LRRC27: variants seen among roughly 807,000 people sequenced by gnomAD.
LRRC27 encodes the protein leucine rich repeat containing 27.
LRRC27 carries 57 observed loss-of-function variants against 55.0 expected under a neutral mutation model. That is an observed-to-expected ratio of 1.04 (90% CI 0.84 to 1.29). The LOEUF (loss-of-function observed/expected upper bound fraction) is 1.29, where lower values mean the gene tolerates loss of function less well. Ranked by LOEUF, LRRC27 falls within the 50% of genes most tolerant of loss-of-function variation. The pLI is 0.00. For synonymous variants in LRRC27, 278 were observed against 251.9 expected (o/e 1.10, Z -0.98); for missense variants, 721 against 651.5 (o/e 1.11, Z -1.16).
At chr10:132,369,642 G>A (rs76450392) in intron 10 of LRRC27, among the ~76,000 whole-genome samples, 13,320 of 152,172 alleles carry the variant, frequency 0.088, 758 homozygotes, top group African/African-American at 0.17. Context: ...GTGATGATGC[G>A]TTTGTCTAAA....
chr10:132,352,433 G>GC (rs2068085709), intron 7 of LRRC27, among the ~76,000 whole-genome samples: 1 of 106,382 alleles, frequency 9.4e-6, no homozygotes, highest in African/African-American at 3.7e-5. Flanking sequence ...TGTGGGGCAG[G>GC]CGCAGGTGCA....
chr10:132,353,363 C>T (rs2132970091), intron 7 of LRRC27: 4 of 1,077,074 alleles, frequency 3.7e-6, no homozygotes, highest in Non-Finnish European at 4.5e-6. Flanking sequence ...CTCACCTGCT[C>T]CCTCCCCAAC....
At chr10:132,361,640 GT>G (rs1486114881) in intron 9 of LRRC27, 65 bp downstream of exon 9, 1 of 1,202,414 alleles carries the variant, frequency 8.3e-7, no homozygotes, top group Admixed American at 1.7e-5. Context: ...GGCAGGTGCT[GT>G]TGTTTATTTC....
intron 3 of LRRC27, 65 bp downstream of exon 3, chr10:132,337,760 G>A (rs950045463): frequency 3.5e-5 from 54 of 1,564,924 alleles, no homozygotes; most frequent in Non-Finnish European, 4.1e-5. Flanking sequence ...CTGTTCTTTC[G>A]CTCCTTGTCC....
intron 10 of LRRC27, 26 bp downstream of exon 10, chr10:132,365,576 A>AAT: frequency 1.9e-6 from 3 of 1,608,612 alleles, no homozygotes; most frequent in Non-Finnish European, 2.5e-6. Flanking sequence ...TTCTGTTTAA[A>AAT]AAAGTGTGGG....
chr10:132,361,013 A>G (rs1252219543), intron 8 of LRRC27, among the ~76,000 whole-genome samples: 1 of 152,196 alleles, frequency 6.6e-6, no homozygotes, highest in African/African-American at 2.4e-5. Context: ...GTTGCACATC[A>G]CAGCGAGTGT....
At position 132,364,343 on chromosome 10, in the gene LRRC27, CTTAA is replaced by C. The variant is rs2068809137; in HGVS notation, c.1290-1079_1290-1076del. 4.5e-3 allele frequency among the ~76,000 whole-genome samples: 16 copies of C among 3,570 alleles called. 2 individuals carry two copies. The East Asian group carries it at 0.052, about 12-fold the overall frequency. 2.3% of individuals were successfully genotyped at this position (3,570 alleles called of 152,430 possible). A position where few individuals can be genotyped will look rare whatever the true frequency, so the allele number is the denominator to read the frequency against. The stretch of plus-strand genomic sequence containing the variant: ...CACCACACCCATGACCACACCCACA[CTTAA>C]TCTACCTCCACACCCGCGCTTACAC... On this transcript the variant is annotated intron_variant, in intron 9 of 10. Coordinates refer to ENST00000368614, the MANE Select transcript of LRRC27 (RefSeq NM_030626.3).
rs1313817027 is a variant in LRRC27, at chr10:132,348,162, G to A, written c.732G>A (p.Arg244=). 2 of 1,614,054 alleles carry A rather than the reference G, an allele frequency of 1.2e-6. No homozygotes were observed. The highest frequency in any genetic ancestry group is 1.7e-6 in the Non-Finnish European group (2 of 1,180,020). ...AAAAGCCAGACCTGAGTGAACTCAGGAAGTCTGCGGACTCCTCAGAGAACT... is the reference window on the plus strand; with the variant it reads ...AAAAGCCAGACCTGAGTGAACTCAGAAAGTCTGCGGACTCCTCAGAGAACT... The part of the protein sequence containing the change: ...PVEKPDLSEL[R]KSADSSENWP... Residue 244 remains arginine, a synonymous_variant, in exon 6 of 11, where the codon AGG becomes AGA. Transcript: ENST00000368614. The surrounding 1 kb of genome is among the most constrained non-coding windows in gnomAD (Gnocchi z 4.2).
chr10:132,331,335 G>T (rs1396276717), upstream of LRRC27: 2 of 1,173,940 alleles, frequency 1.7e-6, no homozygotes, highest in Non-Finnish European at 2.4e-6. Flanking sequence ...GAAGGTGCAC[G>T]GGACTCCAGG....
Position 132,376,146 on chromosome 10 carries a change from A to T in LRRC27, c.*904A>T, listed in dbSNP as rs1344254347. 6.6e-6 allele frequency: 1 copy of T among 152,138 alleles called. No homozygotes were observed. Among genetic ancestry groups the T allele is most frequent in the East Asian group, 1.9e-4 (1 of 5,202 alleles). 9.4% of individuals were successfully genotyped at this position (152,138 alleles called of 1,614,324 possible). ...TCCTCTTATTTTCAGTATCTTTAGG[A>T]TCCGTAATAATGTCCCCTCTTTTAT... is the stretch of plus-strand genomic sequence containing the variant. On this transcript the variant is annotated 3_prime_UTR_variant, in exon 11 of 11. Transcript: ENST00000368614.
rs145811249 is a variant in LRRC27 at position 132,372,786 on chromosome 10, G to A, written c.1417-2280G>A. ...GGTGCACAACCGACCAGGAGGGCTG[G>A]CCAGCTCCATGGCGCTGTCTGAGAT... On this transcript the variant is annotated intron_variant, in intron 10 of 10. Transcript: ENST00000368614. The surrounding 1 kb of genome is among the most constrained non-coding windows in gnomAD (Gnocchi z 4.0). Among the ~76,000 whole-genome samples the A allele has an allele frequency of 3.7e-4, 56 of 152,310 alleles. No homozygotes were observed. The highest frequency in any genetic ancestry group is 6.9e-4 in the Non-Finnish European group (47 of 68,032).
upstream of LRRC27, chr10:132,331,651 C>T (rs566741867): frequency 3.3e-5 from 54 of 1,612,846 alleles, no homozygotes; most frequent in African/African-American, 6.5e-4. Context: ...AAGGTGGTGC[C>T]TCAGCAGCAA....
intron 10 of LRRC27, among the ~76,000 whole-genome samples, chr10:132,373,773 C>T (rs983726583): frequency 4.6e-5 from 7 of 152,132 alleles, no homozygotes; most frequent in Non-Finnish European, 8.8e-5. Context: ...AGGAGCCTGG[C>T]GGGGTCTCCA....
intron 9 of LRRC27, among the ~76,000 whole-genome samples, chr10:132,364,533 A>C (rs111964569): frequency 0.33 from 1,923 of 5,822 alleles, 428 homozygotes; most frequent in Admixed American, 0.48. Context: ...TTACACCCAC[A>C]CTTAAATCTA....
Position 132,376,420 on chromosome 10 carries a change from G to C in LRRC27, c.*1178G>C, listed in dbSNP as rs2069337933. ...CCTAAGCTTTCCATTCAGGAAGCTAGAAAAGGTGTCAGTGACCTGTTGCGG... is the reference window on the plus strand; with the variant it reads ...CCTAAGCTTTCCATTCAGGAAGCTACAAAAGGTGTCAGTGACCTGTTGCGG... On this transcript the variant is annotated 3_prime_UTR_variant, in exon 11 of 11. Coordinates refer to ENST00000368614, the MANE Select transcript of LRRC27 (RefSeq NM_030626.3). The C allele has an allele frequency of 6.6e-6, 1 of 152,300 alleles. No individual in the cohort carries two copies. Among genetic ancestry groups the C allele is most frequent in the African/African-American group, 2.4e-5 (1 of 41,480 alleles). The allele number at this position is 152,300 out of a possible 1,614,324, so 9.4% of individuals were successfully genotyped here.
Position 132,377,545 on chromosome 10 carries a change from C to A in LRRC27, c.*2303C>A. ...TCCGCCTCCCTTCCACAGGTAAGCA[C>A]GCAAGACACAGGTACCGTGTGCCCC... On this transcript the variant is annotated 3_prime_UTR_variant, in exon 11 of 11. Transcript: ENST00000368614. 1 of 152,292 alleles carries A rather than the reference C, an allele frequency of 6.6e-6. No individual in the cohort carries two copies. Among genetic ancestry groups the A allele is most frequent in the Non-Finnish European group, 1.5e-5 (1 of 68,038 alleles). 9.4% of individuals were successfully genotyped at this position (152,292 alleles called of 1,614,324 possible).
chr10:132,330,503 G>A, upstream of LRRC27: 2 of 716,844 alleles, frequency 2.8e-6, no homozygotes, highest in East Asian at 2.7e-5. Flanking sequence ...GTAGATAGTT[G>A]GGTATGTACG....
chr10:132,337,833 T>C, intron 3 of LRRC27, 138 bp downstream of exon 3: 1 of 1,044,246 alleles, frequency 9.6e-7, no homozygotes, highest in Admixed American at 2.8e-5. Context: ...TAAAGCCAGC[T>C]AAGAGGTTGC....
At chr10:132,362,596 T>G (rs2068674043) in intron 9 of LRRC27, among the ~76,000 whole-genome samples, 1 of 152,016 alleles carries the variant, frequency 6.6e-6, no homozygotes, top group Non-Finnish European at 1.5e-5. Context: ...CAGCAGCTGT[T>G]CAGGGTTCCC....
Sources: gnomAD v4.1 joint callset for allele counts (sites outside exome capture counted in the v4.1 genomes callset) on GRCh38, gnomAD v4.1.1 for gene constraint, Gnocchi (gnomAD v3.1) non-coding constraint, MANE v1.5 for transcripts, NCBI Gene and HGNC (gene_info 2026-07-23, HGNC 2026-07-21) for gene names.